MCPH1: variants seen among roughly 807,000 people sequenced by gnomAD.
The protein encoded by MCPH1 is microcephalin 1.
MCPH1 carries 104 observed loss-of-function variants against 84.5 expected under a neutral mutation model. The ratio of observed to expected loss-of-function variants is 1.23; its 90% CI spans 1.05 to 1.45. MCPH1 has a LOEUF of 1.45. Ranked by LOEUF, MCPH1 falls within the 40% of genes most tolerant of loss-of-function variation. The pLI is 0.00. For synonymous variants in MCPH1, 514 were observed against 366.8 expected (o/e 1.40, Z -4.58); for missense variants, 1,498 against 1,005.7 (o/e 1.49, Z -6.62).
intron 12 of MCPH1, among the ~76,000 whole-genome samples, chr8:6,536,732 A>C (rs2129572730): frequency 6.6e-6 from 1 of 152,324 alleles, no homozygotes. Context: ...CCACGTATCA[A>C]GGATAATGAG....
intron 9 of MCPH1, among the ~76,000 whole-genome samples, chr8:6,475,072 T>G (rs1364653459): frequency 6.6e-6 from 1 of 152,184 alleles, no homozygotes; most frequent in Non-Finnish European, 1.5e-5. Flanking sequence ...TTTATAGGTG[T>G]CTCTTTATTT....
intron 11 of MCPH1, among the ~76,000 whole-genome samples, chr8:6,491,929 G>A (rs1170902103): frequency 6.6e-6 from 1 of 152,276 alleles, no homozygotes; most frequent in Non-Finnish European, 1.5e-5. Context: ...TAGTGCCACA[G>A]TAAACACACG....
At chr8:6,626,390 A>G in intron 13 of MCPH1, 1 of 984,946 alleles carries the variant, frequency 1.0e-6, no homozygotes, top group Non-Finnish European at 1.2e-6. Context: ...TTTTCCCTGA[A>G]ACTGTATTGT....
At chr8:6,543,388 C>G (rs1330119235) in intron 12 of MCPH1, among the ~76,000 whole-genome samples, 1 of 152,178 alleles carries the variant, frequency 6.6e-6, no homozygotes, top group Non-Finnish European at 1.5e-5. Flanking sequence ...ACACCCTTCT[C>G]TCTGTGCTTT....
intron 12 of MCPH1, among the ~76,000 whole-genome samples, chr8:6,612,011 T>C (rs1830323331): frequency 6.6e-6 from 1 of 152,148 alleles, no homozygotes; most frequent in Non-Finnish European, 1.5e-5. Flanking sequence ...GGGGTGGGGC[T>C]GAAAGTTTCA....
chr8:6,574,762 G>C (rs1315787287), intron 12 of MCPH1, among the ~76,000 whole-genome samples: 1 of 152,170 alleles, frequency 6.6e-6, no homozygotes, highest in Non-Finnish European at 1.5e-5. Flanking sequence ...TAAGGACCAG[G>C]AGAGAAAGTG....
chr8:6,586,682 A>G (rs1828012985), intron 12 of MCPH1, among the ~76,000 whole-genome samples: 2 of 152,202 alleles, frequency 1.3e-5, no homozygotes, highest in African/African-American at 4.8e-5. Context: ...GTATCAAGGG[A>G]CAAAGCTGAA....
At chr8:6,498,598 G>A (rs1811562229) in intron 11 of MCPH1, among the ~76,000 whole-genome samples, 1 of 152,100 alleles carries the variant, frequency 6.6e-6, no homozygotes, top group South Asian at 2.1e-4. Flanking sequence ...TTTTTAATGT[G>A]GATTATATTT....
chr8:6,606,410 C>G (rs1563180053), intron 12 of MCPH1, among the ~76,000 whole-genome samples: 2 of 152,274 alleles, frequency 1.3e-5, no homozygotes, highest in East Asian at 3.9e-4. Context: ...CAAACCATGG[C>G]TTTGAGTAAA....
chr8:6,442,284 T>A, intron 7 of MCPH1, 128 bp downstream of exon 7: 4 of 665,910 alleles, frequency 6.0e-6, no homozygotes, highest in Non-Finnish European at 1.1e-5. Flanking sequence ...CTTCTAAATT[T>A]CCCCCTGAAA....
At chr8:6,434,523 A>G (rs1304355893) in intron 4 of MCPH1, among the ~76,000 whole-genome samples, 2 of 152,242 alleles carry the variant, frequency 1.3e-5, no homozygotes, top group Non-Finnish European at 2.9e-5. Flanking sequence ...CCCAAGACAC[A>G]TACAATTTAC....
At chr8:6,416,266 G>A (rs1475147119) in intron 3 of MCPH1, among the ~76,000 whole-genome samples, 1 of 151,238 alleles carries the variant, frequency 6.6e-6, no homozygotes, top group Non-Finnish European at 1.5e-5. Context: ...TTCTAGTCTG[G>A]CCGCATGTTA....
At chr8:6,553,077 C>T (rs1175413158) in intron 12 of MCPH1, among the ~76,000 whole-genome samples, 2 of 152,038 alleles carry the variant, frequency 1.3e-5, no homozygotes, top group Non-Finnish European at 2.9e-5. Flanking sequence ...ATGTACAGCA[C>T]CAGATGTCAA....
chr8:6,411,880 A>T (rs1370594728), intron 2 of MCPH1, among the ~76,000 whole-genome samples: 1 of 152,132 alleles, frequency 6.6e-6, no homozygotes, highest in Admixed American at 6.5e-5. Context: ...GGGGGAACTA[A>T]TGTGCTCTTA....
intron 11 of MCPH1, among the ~76,000 whole-genome samples, chr8:6,499,014 T>G (rs1007924201): frequency 2.6e-5 from 4 of 151,622 alleles, no homozygotes; most frequent in African/African-American, 9.7e-5. Context: ...ATTGCACCAC[T>G]GCACTCCAGC....
chr8:6,518,187 C>A (rs1164158668), intron 12 of MCPH1, among the ~76,000 whole-genome samples: 1 of 152,170 alleles, frequency 6.6e-6, no homozygotes, highest in Non-Finnish European at 1.5e-5. Flanking sequence ...TGTCCCTCTG[C>A]ATCGGTGTCC....
intron 4 of MCPH1, among the ~76,000 whole-genome samples, chr8:6,435,806 T>G (rs1802562175): frequency 6.6e-6 from 1 of 152,194 alleles, no homozygotes; most frequent in South Asian, 2.1e-4. Context: ...GCTAGGATCA[T>G]GAAAATGTCT....
At chr8:6,540,654 C>A (rs376963908) in intron 12 of MCPH1, among the ~76,000 whole-genome samples, 1 of 152,248 alleles carries the variant, frequency 6.6e-6, no homozygotes, top group South Asian at 2.1e-4. Flanking sequence ...CTTACAATGA[C>A]AAAATGCTTC....
chr8:6,435,104 G>C (rs1802453712), intron 4 of MCPH1, among the ~76,000 whole-genome samples: 1 of 152,196 alleles, frequency 6.6e-6, no homozygotes, highest in Non-Finnish European at 1.5e-5. Flanking sequence ...ATGTGTTTGT[G>C]AGTGTAGTTA....
Sources: allele counts gnomAD v4.1 joint callset (sites outside exome capture counted in the v4.1 genomes callset), GRCh38; gene constraint gnomAD v4.1.1; transcripts MANE v1.5; gene names NCBI Gene and HGNC (gene_info 2026-07-23, HGNC 2026-07-21).